TSPAN15: variants seen among roughly 807,000 people sequenced by gnomAD.
TSPAN15 encodes the protein tetraspanin-15.
In TSPAN15, 20 loss-of-function variants were observed where a neutral mutation model predicts 34.5. That is an observed-to-expected ratio of 0.58 (90% confidence interval 0.41 to 0.84). The LOEUF (loss-of-function observed/expected upper bound fraction) is 0.84, where lower values mean the gene tolerates loss of function less well. Ranked by LOEUF, TSPAN15 falls within the 40% of genes least tolerant of loss-of-function variation. The probability of loss-of-function intolerance (pLI) is 0.00; values close to 1 mark genes in which losing one functional copy is unlikely to be tolerated. For synonymous variants in TSPAN15, 155 were observed against 153.9 expected, an observed-to-expected ratio of 1.01 and a Z score of -0.05; for missense variants, 313 against 386.1, an observed-to-expected ratio of 0.81 and a Z score of 1.59.
intron 1 of TSPAN15, among the ~76,000 whole-genome samples, chr10:69,455,590 C>CTCTTTCTTTTTTTCTT (rs1841077689): frequency 9.4e-6 from 1 of 106,762 alleles, no homozygotes; most frequent in African/African-American, 3.7e-5. Context: ...TTCTTTCTTT[C>CTCTTTCTTTTTTTCTT]TCTTTCTTTC....
the TSPAN15 span, among the ~76,000 whole-genome samples, chr10:69,547,594 C>T: frequency 1.1e-4 from 16 of 152,164 alleles, no homozygotes; most frequent in Non-Finnish European, 7.4e-5. Flanking sequence ...ATACAGTGCA[C>T]TTTGAAGACA....
intron 5 of TSPAN15, among the ~76,000 whole-genome samples, chr10:69,500,000 C>T (rs913603231): frequency 6.6e-6 from 1 of 152,088 alleles, no homozygotes; most frequent in Non-Finnish European, 1.5e-5. Context: ...AGTGATGGAC[C>T]ATACAGGGCT....
intron 3 of TSPAN15, among the ~76,000 whole-genome samples, chr10:69,493,280 G>A (rs921396368): frequency 6.6e-6 from 1 of 152,140 alleles, no homozygotes; most frequent in Non-Finnish European, 1.5e-5. Flanking sequence ...TGCCCCGGGG[G>A]CCAGTGCCAG....
chr10:69,455,616 C>T (rs1331971011), intron 1 of TSPAN15, among the ~76,000 whole-genome samples: 6 of 101,806 alleles, frequency 5.9e-5, no homozygotes, highest in African/African-American at 1.9e-4. Context: ...TTCTCTCTCT[C>T]TCTCTCTCTC....
At position 69,506,109 on chromosome 10, in the gene TSPAN15, C is replaced by T; in HGVS notation, c.619-15C>T. ...GAGGTCCTCTGCTGGGCTGACCCAG[C>T]TCCTTCCCATGCAGCGTTTCAGTGT... is the stretch of plus-strand genomic sequence containing the variant. On this transcript the variant is annotated splice_polypyrimidine_tract_variant and intron_variant, in intron 6 of 7. Transcript: ENST00000373290. The surrounding 1 kb of genome is among the most constrained non-coding windows in gnomAD (Gnocchi z 4.7). 6.2e-7 allele frequency: 1 copy of T among 1,611,416 alleles called. No individual in the cohort carries two copies. Among genetic ancestry groups the T allele is most frequent in the South Asian group, 1.1e-5 (1 of 90,806 alleles).
At chr10:69,459,039 A>G (rs1174737419) in intron 1 of TSPAN15, among the ~76,000 whole-genome samples, 3 of 151,130 alleles carry the variant, frequency 2.0e-5, no homozygotes, top group Non-Finnish European at 4.4e-5. Context: ...CTGGCTCCAC[A>G]CAGGGGAAAG....
intron 1 of TSPAN15, among the ~76,000 whole-genome samples, chr10:69,468,130 C>T (rs1665587): frequency 0.14 from 21,446 of 149,332 alleles, 1,608 homozygotes; most frequent in South Asian, 0.17. Context: ...CCCTCCCCCA[C>T]GTTCTCATTA....
At chr10:69,465,489 T>C (rs1841364374) in intron 1 of TSPAN15, among the ~76,000 whole-genome samples, 1 of 152,212 alleles carries the variant, frequency 6.6e-6, no homozygotes, top group Non-Finnish European at 1.5e-5. Flanking sequence ...TGCATCCTCC[T>C]AGGTTGTCCT....
chr10:69,545,725 G>A, the TSPAN15 span, among the ~76,000 whole-genome samples: 1 of 152,190 alleles, frequency 6.6e-6, no homozygotes, highest in Admixed American at 6.5e-5. Context: ...GGGAGGCGGA[G>A]GCAGGCGAAT....
At chr10:69,504,124 G>A (rs561161099) in intron 5 of TSPAN15, among the ~76,000 whole-genome samples, 1 of 152,328 alleles carries the variant, frequency 6.6e-6, no homozygotes, top group South Asian at 2.1e-4. Context: ...GGTGCTCTGG[G>A]GCGGTCATAG....
At chr10:69,497,171 C>T (rs1842103474) in intron 4 of TSPAN15, among the ~76,000 whole-genome samples, 1 of 152,154 alleles carries the variant, frequency 6.6e-6, no homozygotes, top group Non-Finnish European at 1.5e-5. Context: ...GACAAATGCC[C>T]TTTGAACTAC....
At chr10:69,521,938 T>A in the TSPAN15 span, among the ~76,000 whole-genome samples, 1 of 147,918 alleles carries the variant, frequency 6.8e-6, no homozygotes, top group Non-Finnish European at 1.5e-5. Context: ...TAGAGAACCC[T>A]GATACAACAG....
chr10:69,506,807 C>T lies in TSPAN15; in HGVS notation c.736-22C>T. The stretch of plus-strand genomic sequence containing the variant: ...GCCCTGATTCCCAGCAGGCCCTCAC[C>T]AGCCCTGCCCCTTCTTCTCAGTTCC... On this transcript the variant is annotated intron_variant, in intron 7 of 7. Coordinates refer to ENST00000373290, the MANE Select transcript of TSPAN15 (RefSeq NM_012339.5). This position sits in a 1 kb window ranked among gnomAD's most constrained non-coding sequence, Gnocchi z 4.7. 1.3e-6 allele frequency: 2 copies of T among 1,559,534 alleles called. No individual in the cohort carries two copies. The highest frequency in any genetic ancestry group is 1.7e-6 in the Non-Finnish European group (2 of 1,151,208).
downstream of TSPAN15, among the ~76,000 whole-genome samples, chr10:69,508,435 C>A (rs1842379160): frequency 1.2e-5 from 1 of 84,936 alleles, no homozygotes; most frequent in African/African-American, 4.8e-5. Flanking sequence ...AGTGAGACTC[C>A]ATCTCAAAAA....
downstream of TSPAN15, among the ~76,000 whole-genome samples, chr10:69,507,975 C>T (rs1291248761): frequency 6.6e-6 from 1 of 152,132 alleles, no homozygotes; most frequent in East Asian, 1.9e-4. Context: ...TACCGCGCTC[C>T]CTGCAGCCCT....
At chr10:69,533,331 A>G in the TSPAN15 span, among the ~76,000 whole-genome samples, 2 of 152,332 alleles carry the variant, frequency 1.3e-5, no homozygotes, top group East Asian at 1.9e-4. Flanking sequence ...CGGAATACTA[A>G]GCCATAAAAA....
chr10:69,459,125 A>AAAC (rs1564597485), intron 1 of TSPAN15, among the ~76,000 whole-genome samples: 1 of 63,190 alleles, frequency 1.6e-5, no homozygotes, highest in Non-Finnish European at 3.9e-5. Flanking sequence ...AAAAAAAAAA[A>AAAC]CAACAACAAA....
At chr10:69,543,461 G>C in the TSPAN15 span, among the ~76,000 whole-genome samples, 18,482 of 152,180 alleles carry the variant, frequency 0.12, 1,331 homozygotes, top group Non-Finnish European at 0.15. Context: ...TATTTGTTGA[G>C]ATAAGGTGTG....
intron 3 of TSPAN15, among the ~76,000 whole-genome samples, chr10:69,488,327 A>G (rs1183515446): frequency 1.3e-5 from 2 of 152,180 alleles, no homozygotes; most frequent in African/African-American, 4.8e-5. Flanking sequence ...AGGGCAGTGT[A>G]TGATGGAGAA....
Sources: gnomAD v4.1 joint callset for allele counts (sites outside exome capture counted in the v4.1 genomes callset) on GRCh38, gnomAD v4.1.1 for gene constraint, Gnocchi (gnomAD v3.1) non-coding constraint, MANE v1.5 for transcripts, NCBI Gene and HGNC (gene_info 2026-07-23, HGNC 2026-07-21) for gene names.